Variants in SPINK9 observed in about 807,000 individuals in gnomAD.
SPINK9 encodes the protein serine protease inhibitor Kazal-type 9.
SPINK9 carries 3 observed loss-of-function variants against 10.8 expected under a neutral mutation model. The ratio of observed to expected loss-of-function variants is 0.28; its 90% CI spans 0.13 to 0.72. SPINK9 has a LOEUF of 0.72. Ranked by LOEUF, SPINK9 falls within the 30% of genes least tolerant of loss-of-function variation. SPINK9 has a pLI of 0.74. For missense variants in SPINK9, 101 were observed against 103.2 expected, an observed-to-expected ratio of 0.98 and a Z score of 0.09; for synonymous variants, 30 against 31.2, an observed-to-expected ratio of 0.96 and a Z score of 0.12.
intron 2 of SPINK9, among the ~76,000 whole-genome samples, chr5:148,328,623 G>A (rs1757103359): frequency 6.6e-6 from 1 of 152,180 alleles, no homozygotes; most frequent in South Asian, 2.1e-4. Context: ...CATTCAGTAT[G>A]ATATTGGCTG....
intron 2 of SPINK9, among the ~76,000 whole-genome samples, chr5:148,326,861 G>A (rs1757068626): frequency 6.6e-6 from 1 of 151,974 alleles, no homozygotes; most frequent in Admixed American, 6.6e-5. Context: ...TTTTATGGCT[G>A]CATAGTATTC....
chr5:148,336,948 A>G (rs1014032751), intron 2 of SPINK9, among the ~76,000 whole-genome samples: 22 of 152,158 alleles, frequency 1.4e-4, no homozygotes, highest in African/African-American at 5.1e-4. Flanking sequence ...CAAAAATCTT[A>G]TTTGGTACTC....
intron 3 of SPINK9, among the ~76,000 whole-genome samples, chr5:148,339,091 T>C (rs751923786): frequency 3.9e-5 from 6 of 152,178 alleles, no homozygotes; most frequent in Non-Finnish European, 8.8e-5. Context: ...GAAGAACTTT[T>C]TCTGTTTCAG....
intron 2 of SPINK9, among the ~76,000 whole-genome samples, chr5:148,327,020 T>C (rs1757070885): frequency 1.3e-5 from 2 of 152,242 alleles, no homozygotes; most frequent in East Asian, 1.9e-4. Context: ...ATCCTTTGGG[T>C]ATATACCCAG....
intron 1 of SPINK9, among the ~76,000 whole-genome samples, chr5:148,322,337 C>A (rs1757008669): frequency 6.6e-6 from 1 of 152,144 alleles, no homozygotes; most frequent in Admixed American, 6.5e-5. Flanking sequence ...GCCAACTGTA[C>A]ATGAAGATCA....
chr5:148,325,714 C>A (rs1241856779), intron 2 of SPINK9, among the ~76,000 whole-genome samples: 1 of 152,134 alleles, frequency 6.6e-6, no homozygotes, highest in African/African-American at 2.4e-5. Context: ...CTTTGAGGCA[C>A]AAAATCTTTC....
At chr5:148,336,330 C>A in intron 1 of SPINK9, 92 bp from the exon 2 acceptor site, 2 of 1,344,726 alleles carry the variant, frequency 1.5e-6, no homozygotes, top group Non-Finnish European at 2.1e-6. Flanking sequence ...TTATGACAGG[C>A]TGAAAGCTAA....
upstream of SPINK9, among the ~76,000 whole-genome samples, chr5:148,332,311 A>C (rs6893378): frequency 0.34 from 51,604 of 152,034 alleles, 9,747 homozygotes; most frequent in African/African-American, 0.52. Context: ...TGAGTTGTTC[A>C]GTAAATTCTC....
upstream of SPINK9, among the ~76,000 whole-genome samples, chr5:148,330,950 G>A (rs921419827): frequency 6.6e-6 from 1 of 152,204 alleles, no homozygotes; most frequent in Non-Finnish European, 1.5e-5. Flanking sequence ...CGTAGTATTA[G>A]GGTGGGAGTG....
chr5:148,335,486 T>C, upstream of SPINK9: 4 of 773,872 alleles, frequency 5.2e-6, no homozygotes, highest in Non-Finnish European at 8.6e-6. Flanking sequence ...GTTGTACTAC[T>C]TAGAAATTGC....
intron 2 of SPINK9, among the ~76,000 whole-genome samples, chr5:148,328,147 G>C (rs1462090850): frequency 6.6e-6 from 1 of 152,192 alleles, no homozygotes; most frequent in East Asian, 1.9e-4. Flanking sequence ...AGCAAGGAAT[G>C]TTCTTCCATT....
chr5:148,330,324 C>T (rs1449737551), intron 2 of SPINK9, among the ~76,000 whole-genome samples: 1 of 152,176 alleles, frequency 6.6e-6, no homozygotes, highest in Non-Finnish European at 1.5e-5. Flanking sequence ...ACTAGGGTTG[C>T]AACCCCTGCC....
intron 2 of SPINK9, among the ~76,000 whole-genome samples, chr5:148,329,212 C>T (rs1757112435): frequency 6.6e-6 from 1 of 152,164 alleles, no homozygotes; most frequent in South Asian, 2.1e-4. Context: ...AGAGATTCAA[C>T]TTCTTCCTGG....
intron 3 of SPINK9, among the ~76,000 whole-genome samples, chr5:148,339,429 TA>T (rs944056993): frequency 1.4e-4 from 21 of 151,450 alleles, no homozygotes; most frequent in Non-Finnish European, 2.7e-4. Flanking sequence ...TCCCTTAAAT[TA>T]AAAAAAAATT....
chr5:148,333,267 C>A (rs892234738), upstream of SPINK9, among the ~76,000 whole-genome samples: 2 of 152,186 alleles, frequency 1.3e-5, no homozygotes, highest in African/African-American at 4.8e-5. Flanking sequence ...TTTTCCAACT[C>A]TACTGATGCA....
chr5:148,339,577 A>G (rs191184452), intron 3 of SPINK9, 90 bp from the exon 4 acceptor site: 1 of 1,111,392 alleles, frequency 9.0e-7, no homozygotes, highest in African/African-American at 1.6e-5. Flanking sequence ...AAACTTGAAT[A>G]CATTTTTGGG....
intron 1 of SPINK9, among the ~76,000 whole-genome samples, chr5:148,323,085 A>G (rs541459104): frequency 6.6e-6 from 1 of 152,338 alleles, no homozygotes; most frequent in South Asian, 2.1e-4. Context: ...CAGAACATGC[A>G]TATTTTTAAT....
intron 2 of SPINK9, among the ~76,000 whole-genome samples, chr5:148,327,687 G>A (rs1283590172): frequency 3.3e-5 from 5 of 151,194 alleles, no homozygotes; most frequent in African/African-American, 1.2e-4. Context: ...TTTGTATAAG[G>A]TGTAAGGAAG....
At chr5:148,337,275 T>A (rs910045858) in intron 2 of SPINK9, among the ~76,000 whole-genome samples, 1 of 152,178 alleles carries the variant, frequency 6.6e-6, no homozygotes, top group Non-Finnish European at 1.5e-5. Flanking sequence ...CATATACTTA[T>A]CATCAGGCAC....
Sources: allele counts gnomAD v4.1 joint callset (sites outside exome capture counted in the v4.1 genomes callset), GRCh38; gene constraint gnomAD v4.1.1; transcripts MANE v1.5; gene names NCBI Gene and HGNC (gene_info 2026-07-23, HGNC 2026-07-21).